Variants in ANKRD42 observed in about 807,000 individuals in gnomAD.
ANKRD42 encodes the protein ankyrin repeat domain-containing protein 42.
A neutral mutation model predicts 51.5 loss-of-function variants in ANKRD42; 43 were observed. The observed-to-expected ratio is 0.83, with a 90% confidence interval of 0.65 to 1.08. The LOEUF (loss-of-function observed/expected upper bound fraction) is 1.08. ANKRD42 is among the 50% of genes least tolerant of loss of function. ANKRD42 has a pLI of 0.00. For missense variants in ANKRD42, 608 were observed against 629.3 expected, an observed-to-expected ratio of 0.97 and a Z score of 0.36; for synonymous variants, 203 against 213.0, an observed-to-expected ratio of 0.95 and a Z score of 0.41.
downstream of ANKRD42, among the ~76,000 whole-genome samples, chr11:83,257,773 T>C (rs1259807166): frequency 6.6e-6 from 1 of 152,212 alleles, no homozygotes; most frequent in East Asian, 1.9e-4. Flanking sequence ...TTCTCTAATT[T>C]CTTCCTGTAC....
chr11:83,233,213 G>GT (rs777086695), intron 7 of ANKRD42, among the ~76,000 whole-genome samples: 292 of 134,348 alleles, frequency 2.2e-3, no homozygotes, highest in Middle Eastern at 3.8e-3. Flanking sequence ...CGGGTCTGGG[G>GT]TTTTTTTTTT....
intron 2 of ANKRD42, 28 bp downstream of exon 2, chr11:83,198,670 G>A: frequency 6.5e-7 from 1 of 1,539,224 alleles, no homozygotes; most frequent in Non-Finnish European, 8.8e-7. Flanking sequence ...TCACTAAACT[G>A]AGGTAAGTTT....
chr11:83,244,662 C>G (rs779616930), intron 9 of ANKRD42, among the ~76,000 whole-genome samples: 2 of 152,044 alleles, frequency 1.3e-5, no homozygotes, highest in Non-Finnish European at 2.9e-5. Context: ...GCCAAATGAC[C>G]CTTGGCAGAG....
intron 5 of ANKRD42, chr11:83,212,837 C>T: frequency 5.6e-6 from 8 of 1,434,762 alleles, no homozygotes; most frequent in Non-Finnish European, 7.3e-6. Flanking sequence ...TTGGTATGAA[C>T]TCTTTCAATT....
intron 2 of ANKRD42, among the ~76,000 whole-genome samples, chr11:83,199,644 G>A (rs1023440883): frequency 6.6e-6 from 1 of 152,176 alleles, no homozygotes; most frequent in Admixed American, 6.5e-5. Flanking sequence ...CTTTTCTCAT[G>A]ATTCAAGGTT....
Position 83,198,141 on chromosome 11 carries a change from C to T in ANKRD42, c.59-338C>T, listed in dbSNP as rs1861730609. On this transcript the variant is annotated intron_variant, in intron 1 of 10. Transcript: ENST00000533342. ...AACATTACCATGTAAGTGCTTCTAC[C>T]ACTTTATGGCTCCAGGACTGTATTT... is the stretch of plus-strand genomic sequence containing the variant. 2.0e-5 allele frequency among the ~76,000 whole-genome samples: 3 copies of T among 152,174 alleles called. No individual in the cohort carries two copies. In the South Asian group the frequency reaches 6.2e-4, roughly 31 times the overall value.
At chr11:83,235,559 T>C (rs1591001113) in intron 7 of ANKRD42, among the ~76,000 whole-genome samples, 1 of 152,236 alleles carries the variant, frequency 6.6e-6, no homozygotes, top group Non-Finnish European at 1.5e-5. Flanking sequence ...TAGACATTGG[T>C]TGAGGGTCTG....
intron 7 of ANKRD42, among the ~76,000 whole-genome samples, chr11:83,228,239 T>C (rs1272494170): frequency 0.084 from 3,880 of 46,456 alleles, 642 homozygotes; most frequent in South Asian, 0.16. Flanking sequence ...CTCTTTTTTT[T>C]TTTTTTTTTT....
chr11:83,213,925 C>G (rs1862426507), intron 5 of ANKRD42: 1 of 152,690 alleles, frequency 6.5e-6, no homozygotes. Context: ...GAGTCTTGCT[C>G]TGTCGCACAG....
rs1211755796 is a variant in ANKRD42, at chr11:83,194,216, A to G, written c.-455A>G. 2.2e-6 allele frequency: 1 copy of G among 460,438 alleles called. No homozygotes were observed. Among genetic ancestry groups the G allele is most frequent in the Non-Finnish European group, 4.4e-6 (1 of 229,676 alleles). 28.5% of individuals were successfully genotyped at this position (460,438 alleles called of 1,614,324 possible). On this transcript the variant is annotated 5_prime_UTR_variant, in exon 1 of 11. Transcript: ENST00000533342. ...ACCGACTCCAGGGGAACAGCCAGAGAAGACCGAGGCCTCCGCCTCAGTGGT... is the reference window on the plus strand; with the variant it reads ...ACCGACTCCAGGGGAACAGCCAGAGGAGACCGAGGCCTCCGCCTCAGTGGT...
chr11:83,238,602 G>A (rs1391263556), intron 8 of ANKRD42, among the ~76,000 whole-genome samples: 16 of 152,160 alleles, frequency 1.1e-4, no homozygotes, highest in Admixed American at 6.5e-4. Context: ...AGGCCGAGGC[G>A]GGCGGATCAC....
chr11:83,216,363 G>C (rs933727128), intron 5 of ANKRD42, among the ~76,000 whole-genome samples: 1 of 147,486 alleles, frequency 6.8e-6, no homozygotes, highest in African/African-American at 2.5e-5. Flanking sequence ...TCTCGCTGTC[G>C]CCCAGGCTGG....
Position 83,237,062 on chromosome 11 carries a change from G to T in ANKRD42, c.1019+553G>T, listed in dbSNP as rs183005637. On this transcript the variant is annotated intron_variant, in intron 8 of 10. Transcript: ENST00000533342. ...AAATATTTACTCCATCTATTTGTTC[G>T]TTTGGTTGTTCTTTCATTCAGCTTC... 2.4e-3 allele frequency among the ~76,000 whole-genome samples: 367 copies of T among 152,248 alleles called. 2 individuals are homozygous for T. Among genetic ancestry groups the T allele is most frequent in the Non-Finnish European group, 4.2e-3 (284 of 68,026 alleles).
At position 83,232,810 on chromosome 11, in the gene ANKRD42, G is replaced by A. The variant is rs149172934; in HGVS notation, c.914-3594G>A. On this transcript the variant is annotated intron_variant, in intron 7 of 10. Transcript: ENST00000533342. ...AAGAAGAGATGTTGAATTTTGTCAG[G>A]TGCTTTTATCAGCATCAATTGAAAT... Among the ~76,000 whole-genome samples, 153 of 152,160 alleles carry A rather than the reference G, an allele frequency of 1.0e-3. 8 individuals carry two copies. Among genetic ancestry groups the A allele is most frequent in the Admixed American group, 8.6e-3 (132 of 15,286 alleles).
intron 5 of ANKRD42, among the ~76,000 whole-genome samples, chr11:83,217,588 C>T (rs1428808220): frequency 1.3e-5 from 2 of 152,148 alleles, no homozygotes; most frequent in Non-Finnish European, 2.9e-5. Flanking sequence ...TCAAACTTAC[C>T]TGGGGCTCTG....
intron 8 of ANKRD42, among the ~76,000 whole-genome samples, chr11:83,239,275 T>G (rs1264134184): frequency 6.6e-6 from 1 of 152,208 alleles, no homozygotes; most frequent in Non-Finnish European, 1.5e-5. Flanking sequence ...ATTGTTTTCT[T>G]GATGTTGAGT....
chr11:83,214,663 A>T (rs1202664779), intron 5 of ANKRD42: 1 of 644,212 alleles, frequency 1.6e-6, no homozygotes, highest in Non-Finnish European at 1.9e-6. Context: ...AAATTTGATA[A>T]TGTATAAAGA....
At chr11:83,259,700 G>C (rs1238050439), downstream of ANKRD42, 2 of 152,128 alleles carry the variant, frequency 1.3e-5, no homozygotes, top group East Asian at 3.9e-4. Flanking sequence ...TGCCAGGCTG[G>C]AGTGCAGTGA....
At chr11:83,212,615 A>C in intron 5 of ANKRD42, 10 of 1,461,390 alleles carry the variant, frequency 6.8e-6, no homozygotes, top group Non-Finnish European at 9.3e-6. Flanking sequence ...AGGGCAGAAT[A>C]ATATGAACAG....
Sources: allele counts gnomAD v4.1 joint callset (sites outside exome capture counted in the v4.1 genomes callset), GRCh38; gene constraint gnomAD v4.1.1; transcripts MANE v1.5; gene names NCBI Gene and HGNC (gene_info 2026-07-23, HGNC 2026-07-21).